LRBA: variants seen among roughly 807,000 people sequenced by gnomAD.
The protein encoded by LRBA is lipopolysaccharide-responsive and beige-like anchor protein.
Under a neutral mutation model 330.0 loss-of-function variants are expected in LRBA, and 176 were observed. The observed-to-expected ratio is 0.53, with a 90% CI of 0.47 to 0.60. LRBA has a LOEUF of 0.60. LRBA is among the 20% of genes least tolerant of loss of function. The pLI, the probability that LRBA is intolerant of heterozygous loss-of-function variation, is 0.00. For synonymous variants in LRBA, 1,230 were observed against 1,193.0 expected, an observed-to-expected ratio of 1.03 and a Z score of -0.64; for missense variants, 3,259 against 3,444.8, an observed-to-expected ratio of 0.95 and a Z score of 1.35.
Position 150,852,054 on chromosome 4 carries a change from G to T in LRBA, c.3656C>A (p.Thr1219Asn). The change falls in exon 23 of 57, where the codon ACT (threonine) becomes AAT (asparagine). Residue 1219 changes from threonine (T) to asparagine (N), a missense_variant. Thr to Asn is a moderately conservative substitution (Grantham distance 65). Coordinates refer to ENST00000651943, the MANE Select transcript of LRBA (RefSeq NM_001364905.1). ...ATCATTAATTAATTTGGTTTCTCTA[G>T]TGAGGTTAGTTGCTTTCTTCCCTTC... ...LEEGKKATNL[T>N]RETKLINDCH... 6.2e-7 allele frequency: 1 copy of T among 1,614,112 alleles called. No homozygotes were observed. The highest frequency in any genetic ancestry group is 8.5e-7 in the Non-Finnish European group (1 of 1,179,988).
At chr4:150,346,057 C>T (rs1050968902) in intron 48 of LRBA, among the ~76,000 whole-genome samples, 3 of 152,240 alleles carry the variant, frequency 2.0e-5, no homozygotes, top group South Asian at 2.1e-4. Context: ...ATCCTCCTGC[C>T]GTGGCCTTCC....
chr4:150,847,831 GAGA>G (rs1750049566), intron 26 of LRBA, among the ~76,000 whole-genome samples: 1 of 152,262 alleles, frequency 6.6e-6, no homozygotes, highest in African/African-American at 2.4e-5. Flanking sequence ...GTGTTTCCAG[GAGA>G]AGAACAGAGA....
intron 40 of LRBA, among the ~76,000 whole-genome samples, chr4:150,520,658 C>A (rs1484334794): frequency 1.3e-5 from 2 of 152,126 alleles, no homozygotes. Context: ...AGCTAGAGGT[C>A]ATTGTCCTAA....
At position 150,490,927 on chromosome 4, in the gene LRBA, C is replaced by A; in HGVS notation, c.6439G>T (p.Ala2147Ser). 6.3e-7 allele frequency: 1 copy of A among 1,594,032 alleles called. No individual in the cohort carries two copies. Residue 2147 changes from alanine (A) to serine (S), a missense_variant, in exon 41 of 57, where the codon GCA (alanine) becomes TCA (serine). By Grantham distance (99) the Ala-to-Ser change is moderately conservative. Transcript: ENST00000651943. ...LQNTALEIFM[A>S]NRVAVMFNFP... The stretch of plus-strand genomic sequence containing the variant: ...TTCTGTAACACATTACCTCTGTTTG[C>A]CATAAAGATCTCCAGGGCTGTATTT...
At chr4:150,637,332 G>C (rs762091109) in intron 37 of LRBA, among the ~76,000 whole-genome samples, 1 of 152,058 alleles carries the variant, frequency 6.6e-6, no homozygotes, top group East Asian at 1.9e-4. Context: ...CTTAATTACT[G>C]TATCTTTAAG....
intron 40 of LRBA, among the ~76,000 whole-genome samples, chr4:150,561,128 T>C (rs992894437): frequency 2.0e-5 from 3 of 152,212 alleles, no homozygotes; most frequent in Admixed American, 2.0e-4. Flanking sequence ...CATGCTTATA[T>C]TATAAACCTA....
intron 51 of LRBA, among the ~76,000 whole-genome samples, chr4:150,312,172 T>A (rs1731161898): frequency 6.6e-6 from 1 of 152,122 alleles, no homozygotes; most frequent in Non-Finnish European, 1.5e-5. Flanking sequence ...GGCAAAGGCT[T>A]GATGCCCCCT....
At chr4:150,802,725 A>G (rs1359553642) in intron 33 of LRBA, among the ~76,000 whole-genome samples, 1 of 152,124 alleles carries the variant, frequency 6.6e-6, no homozygotes, top group African/African-American at 2.4e-5. Flanking sequence ...CAAGTCTTCA[A>G]AATATACAGG....
At position 150,826,206 on chromosome 4, in the gene LRBA, C is replaced by T. The variant is rs548695935; in HGVS notation, c.5171+1974G>A. ...AGGATGATCAAGATAACAGGAGAAGCAGCTTCTGCCAACCAAGAGGCAACA... is the reference window on the plus strand; with the variant it reads ...AGGATGATCAAGATAACAGGAGAAGTAGCTTCTGCCAACCAAGAGGCAACA... On this transcript the variant is annotated intron_variant, in intron 30 of 56. Transcript: ENST00000651943. Among the ~76,000 whole-genome samples the T allele has an allele frequency of 2.6e-5, 4 of 152,258 alleles. No individual in the cohort carries two copies. The East Asian group carries it at 7.7e-4, about 29-fold the overall frequency.
At chr4:150,909,564 G>A (rs1001929279) in intron 9 of LRBA, among the ~76,000 whole-genome samples, 2 of 151,832 alleles carry the variant, frequency 1.3e-5, no homozygotes, top group African/African-American at 4.8e-5. Context: ...TCTATCTCTG[G>A]GTTATCGAGA....
intron 30 of LRBA, among the ~76,000 whole-genome samples, chr4:150,817,578 C>T (rs1744786473): frequency 1.3e-5 from 2 of 151,256 alleles, no homozygotes; most frequent in South Asian, 4.2e-4. Flanking sequence ...GAAAATTCAA[C>T]GTTTCCACAA....
chr4:150,828,644 A>G (rs768564220), intron 29 of LRBA, 23 bp from the exon 30 acceptor site: 2 of 1,572,418 alleles, frequency 1.3e-6, no homozygotes, highest in Non-Finnish European at 8.6e-7. Flanking sequence ...CAGAAACACA[A>G]GAAATAAACA....
chr4:150,886,421 C>G (rs1728944717), intron 17 of LRBA, among the ~76,000 whole-genome samples: 2 of 152,132 alleles, frequency 1.3e-5, no homozygotes. Context: ...GTGATAACCC[C>G]AAACTCACCC....
At chr4:150,686,870 A>G (rs988701371) in intron 36 of LRBA, among the ~76,000 whole-genome samples, 30 of 152,152 alleles carry the variant, frequency 2.0e-4, no homozygotes, top group African/African-American at 6.5e-4. Flanking sequence ...ACATTTGATA[A>G]GCTATTAAAG....
chr4:150,998,623 G>A (rs773517498), intron 2 of LRBA, among the ~76,000 whole-genome samples: 38 of 151,912 alleles, frequency 2.5e-4, no homozygotes, highest in African/African-American at 9.7e-5. Flanking sequence ...CCAAAGTGTC[G>A]GGACTATAGG....
chr4:150,461,352 C>T (rs1428495349), intron 44 of LRBA, among the ~76,000 whole-genome samples: 1 of 151,826 alleles, frequency 6.6e-6, no homozygotes, highest in African/African-American at 2.4e-5. Context: ...CACACATGTA[C>T]ATACACTCAA....
intron 30 of LRBA, among the ~76,000 whole-genome samples, chr4:150,817,645 A>T (rs1032148304): frequency 6.9e-6 from 1 of 145,660 alleles, no homozygotes; most frequent in Non-Finnish European, 1.5e-5. Context: ...TTATAAGCTT[A>T]AAAAAAAAAA....
At position 150,844,705 on chromosome 4, in the gene LRBA, A is replaced by G; in HGVS notation, c.4414T>C (p.Leu1472=). The G allele has an allele frequency of 6.2e-7, 1 of 1,613,360 alleles. No individual in the cohort carries two copies. Among genetic ancestry groups the G allele is most frequent in the Non-Finnish European group, 8.5e-7 (1 of 1,179,386 alleles). ...SQLKTRGDKA[L]KPMHSLIPLG... ...GGAATAAGGCTATGCATTGGTTTCA[A>G]GGCTTTATCTCCCCTAGTTTTCAGT... The change falls in exon 27 of 57, where the codon TTG becomes CTG. Residue 1472 remains leucine, a synonymous_variant. Coordinates refer to ENST00000651943, the MANE Select transcript of LRBA (RefSeq NM_001364905.1).
chr4:150,939,167 G>C (rs1735413557), intron 2 of LRBA, among the ~76,000 whole-genome samples: 1 of 152,096 alleles, frequency 6.6e-6, no homozygotes. Flanking sequence ...CCCCATTACA[G>C]GTTGAATTGT....
Sources: allele counts gnomAD v4.1 joint callset (sites outside exome capture counted in the v4.1 genomes callset), GRCh38; gene constraint gnomAD v4.1.1; transcripts MANE v1.5; gene names NCBI Gene and HGNC (gene_info 2026-07-23, HGNC 2026-07-21).